TSNAXIP1: variants seen among roughly 807,000 people sequenced by gnomAD.
TSNAXIP1 encodes translin associated factor X interacting protein 1.
TSNAXIP1 carries 89 observed loss-of-function variants against 84.8 expected under a neutral mutation model. The ratio of observed to expected loss-of-function variants is 1.05; its 90% CI spans 0.88 to 1.25. The LOEUF (loss-of-function observed/expected upper bound fraction) is 1.25. TSNAXIP1 is among the 50% of genes most tolerant of loss of function. The pLI, the probability that TSNAXIP1 is intolerant of heterozygous loss-of-function variation, is 0.00. For missense variants in TSNAXIP1, 874 were observed against 887.6 expected (o/e 0.98, Z 0.20); for synonymous variants, 347 against 335.2 (o/e 1.04, Z -0.39).
intron 1 of TSNAXIP1, among the ~76,000 whole-genome samples, chr16:67,808,042 A>G (rs2055632595): frequency 6.6e-6 from 1 of 152,162 alleles, no homozygotes; most frequent in Non-Finnish European, 1.5e-5. Context: ...TCCAGGCCTC[A>G]GCTTATATAT....
intron 15 of TSNAXIP1, 44 bp from the exon 16 acceptor site, chr16:67,827,709 G>C (rs1418673760): frequency 6.2e-7 from 1 of 1,612,284 alleles, no homozygotes; most frequent in East Asian, 2.2e-5. Context: ...CTGGGGCACG[G>C]AGAGGAGGGG....
At position 67,807,059 on chromosome 16, in the gene TSNAXIP1, G is replaced by A; in HGVS notation, c.-91G>A. The A allele has an allele frequency of 1.3e-6, 2 of 1,493,250 alleles. No individual in the cohort carries two copies. Among genetic ancestry groups the A allele is most frequent in the Non-Finnish European group, 1.8e-6 (2 of 1,125,184 alleles). 92.5% of individuals were successfully genotyped at this position (1,493,250 alleles called of 1,614,324 possible). On this transcript the variant is annotated 5_prime_UTR_variant, in exon 1 of 16. Coordinates refer to ENST00000561639, the MANE Select transcript of TSNAXIP1 (RefSeq NM_001288990.3). The stretch of plus-strand genomic sequence containing the variant: ...CCTGACTCCGCCCCCGCCGCGGGGG[G>A]GCCTCTGGGGCCTGGTCGCCATGGC...
chr16:67,812,381 A>T (rs2151198048), intron 1 of TSNAXIP1, among the ~76,000 whole-genome samples: 1 of 152,158 alleles, frequency 6.6e-6, no homozygotes, highest in Non-Finnish European at 1.5e-5. Flanking sequence ...ATTTAAAAAA[A>T]AATAGGCCGG....
At position 67,826,057 on chromosome 16, in the gene TSNAXIP1, T is replaced by C. The variant is rs757470964; in HGVS notation, c.1125T>C (p.Pro375=). 1.1e-5 allele frequency: 17 copies of C among 1,613,484 alleles called. No individual in the cohort carries two copies. In the Admixed American group the frequency reaches 2.7e-4, roughly 25 times the overall value. The change falls in exon 9 of 16, where the codon CCT becomes CCC. Residue 375 remains proline, a synonymous_variant. Coordinates refer to ENST00000561639, the MANE Select transcript of TSNAXIP1 (RefSeq NM_001288990.3). The part of the protein sequence containing the change: ...QEIQRTSTPR[P]DWTKCKDVVA... ...TCCAGCGCACTTCCACGCCGCGGCC[T>C]GACTGGACCAAGTGCAAAGGTGAGG...
intron 1 of TSNAXIP1, among the ~76,000 whole-genome samples, chr16:67,809,173 T>TAA (rs767252864): frequency 1.8e-4 from 1 of 5,588 alleles, no homozygotes; most frequent in African/African-American, 3.1e-4. Context: ...CCCTGTCTAT[T>TAA]AAAAAAAAAA....
chr16:67,816,089 C>T (rs1042588552), intron 2 of TSNAXIP1, among the ~76,000 whole-genome samples: 4 of 151,700 alleles, frequency 2.6e-5, no homozygotes, highest in Non-Finnish European at 2.9e-5. Flanking sequence ...CTGCCTCAGC[C>T]GCCCCAGTAG....
In TSNAXIP1 at chr16:67,827,230, C is replaced by T. The variant is rs1243490091; in HGVS notation, c.1665-19C>T. 2 of 1,613,836 alleles carry T rather than the reference C, an allele frequency of 1.2e-6. No homozygotes were observed. Among genetic ancestry groups the T allele is most frequent in the Non-Finnish European group, 1.7e-6 (2 of 1,179,850 alleles). Reference sequence around the variant, plus strand: ...CAGGCCTCAGCAGGTCCCTGTTGGCCCTCATGTCTCCCCTACAGCACTGTC... The same window carrying T: ...CAGGCCTCAGCAGGTCCCTGTTGGCTCTCATGTCTCCCCTACAGCACTGTC... On this transcript the variant is annotated intron_variant, in intron 13 of 15. Coordinates refer to ENST00000561639, the MANE Select transcript of TSNAXIP1 (RefSeq NM_001288990.3).
rs182917915 is a variant in TSNAXIP1 at position 67,826,688 on chromosome 16, G to A, written c.1402-4G>A. On this transcript the variant is annotated splice_region_variant and splice_polypyrimidine_tract_variant and intron_variant, in intron 11 of 15. Coordinates refer to ENST00000561639, the MANE Select transcript of TSNAXIP1 (RefSeq NM_001288990.3). Reference sequence around the variant, plus strand: ...TCTGACTGAGCATTTCCTCGATCCCGCAGAAAGAGACGTTCCCAGATTTCT... The same window carrying A: ...TCTGACTGAGCATTTCCTCGATCCCACAGAAAGAGACGTTCCCAGATTTCT... The A allele has an allele frequency of 4.5e-5, 72 of 1,613,024 alleles. No homozygotes were observed. Among genetic ancestry groups the A allele is most frequent in the Non-Finnish European group, 5.6e-5 (66 of 1,179,460 alleles).
chr16:67,827,473 G>A lies in TSNAXIP1; in HGVS notation c.1792G>A (p.Asp598Asn). ...LLNYRSLFME[D>N]EEGQSEPFVQ... ...CCCCCTGACTTGTGGCCCCTCCCAG[G>A]ATGAGGAGGGCCAGAGTGAGCCCTT... The change falls in exon 15 of 16, where the codon GAT (aspartate) becomes AAT (asparagine). Residue 598 changes from aspartate to asparagine, a missense_variant and splice_region_variant. Coordinates refer to ENST00000561639, the MANE Select transcript of TSNAXIP1 (RefSeq NM_001288990.3). 1 of 1,614,192 alleles carries A rather than the reference G, an allele frequency of 6.2e-7. No individual in the cohort carries two copies. The highest frequency in any genetic ancestry group is 8.5e-7 in the Non-Finnish European group (1 of 1,180,006).
At chr16:67,810,303 C>A (rs2055934992) in intron 1 of TSNAXIP1, among the ~76,000 whole-genome samples, 1 of 152,138 alleles carries the variant, frequency 6.6e-6, no homozygotes, top group Admixed American at 6.6e-5. Flanking sequence ...CCCTGACAAA[C>A]CCACTGCCTA....
In TSNAXIP1 at chr16:67,812,831, G is replaced by A. The variant is rs572375718; in HGVS notation, c.48-1471G>A. On this transcript the variant is annotated intron_variant, in intron 1 of 15. Transcript: ENST00000561639. ...TCACTATGTTGCTCAGGCTCATCTC[G>A]AACTCCTGGGCTCAAGCGATCTGCC... Among the ~76,000 whole-genome samples the A allele has an allele frequency of 9.9e-5, 15 of 152,102 alleles. No individual in the cohort carries two copies. The South Asian group carries it at 2.3e-3, about 23-fold the overall frequency.
At chr16:67,823,786 G>A in intron 5 of TSNAXIP1, 67 bp downstream of exon 5, 3 of 1,387,912 alleles carry the variant, frequency 2.2e-6, no homozygotes, top group African/African-American at 2.8e-5. Context: ...AGGAGGCCGA[G>A]GCGGTAGATC....
intron 6 of TSNAXIP1, 91 bp from the exon 7 acceptor site, chr16:67,825,046 G>T (rs189933942): frequency 6.6e-6 from 10 of 1,524,508 alleles, no homozygotes; most frequent in Middle Eastern, 4.7e-4. Context: ...CCCTGATGGG[G>T]CCCCCCAGAA....
In TSNAXIP1 at chr16:67,826,553, T is replaced by C; in HGVS notation, c.1392T>C (p.Ala464=). 1 of 1,614,166 alleles carries C rather than the reference T, an allele frequency of 6.2e-7. No homozygotes were observed. Among genetic ancestry groups the C allele is most frequent in the Non-Finnish European group, 8.5e-7 (1 of 1,180,024 alleles). The change falls in exon 11 of 16, where the codon GCT becomes GCC. Residue 464 remains alanine, a synonymous_variant. Coordinates refer to ENST00000561639, the MANE Select transcript of TSNAXIP1 (RefSeq NM_001288990.3). ...LLKDAWKERL[A]EEQKETFPDF... is the part of the protein sequence containing the mutation. ...AGGATGCCTGGAAGGAACGTCTTGC[T>C]GAGGAGCAGGTCAGATCTCACCAGC... is the stretch of plus-strand genomic sequence containing the variant.
Position 67,806,913 on chromosome 16 carries a change from C to T in TSNAXIP1, c.-237C>T. On this transcript the variant is annotated 5_prime_UTR_variant, in exon 1 of 16. Coordinates refer to ENST00000561639, the MANE Select transcript of TSNAXIP1 (RefSeq NM_001288990.3). ...CATCCCCCTGCCTCAGTTCTGGTACCTGGGGTCAAATCGGCTGTAGTGGTT... is the reference window on the plus strand; with the variant it reads ...CATCCCCCTGCCTCAGTTCTGGTACTTGGGGTCAAATCGGCTGTAGTGGTT... 2 of 629,196 alleles carry T rather than the reference C, an allele frequency of 3.2e-6. No individual in the cohort carries two copies. Among genetic ancestry groups the T allele is most frequent in the Non-Finnish European group, 5.5e-6 (2 of 365,078 alleles). 39.0% of individuals were successfully genotyped at this position (629,196 alleles called of 1,614,324 possible). A position where few individuals can be genotyped will look rare whatever the true frequency, so the allele number is the denominator to read the frequency against.
rs776429294 is a variant in TSNAXIP1, at chr16:67,826,084, C to A, written c.1144+8C>A. ...ACTGGACCAAGTGCAAAGGTGAGGGCAGCCGGCAGGGCCCCAGGTCCTGCT... is the reference window on the plus strand; with the variant it reads ...ACTGGACCAAGTGCAAAGGTGAGGGAAGCCGGCAGGGCCCCAGGTCCTGCT... On this transcript the variant is annotated splice_region_variant and intron_variant, in intron 9 of 15. Coordinates refer to ENST00000561639, the MANE Select transcript of TSNAXIP1 (RefSeq NM_001288990.3). The A allele has an allele frequency of 8.1e-6, 13 of 1,613,206 alleles. No individual in the cohort carries two copies. The South Asian group carries it at 1.2e-4, about 15-fold the overall frequency.
rs73593803 is a variant in TSNAXIP1, at chr16:67,828,015, A to G, written c.*22A>G. The G allele has an allele frequency of 0.012, 19,677 of 1,609,050 alleles. 1,361 individuals are homozygous for G. The African/African-American group carries it at 0.18, about 15-fold the overall frequency. ...CTAGGAACTTGTGGGCAGCCTGCGT[A>G]CTCCAGTCCTGCTAACCCCTAGCTT... On this transcript the variant is annotated 3_prime_UTR_variant, in exon 16 of 16. Transcript: ENST00000561639.
Position 67,806,934 on chromosome 16 carries a change from T to C in TSNAXIP1, c.-216T>C. 1 of 674,832 alleles carries C rather than the reference T, an allele frequency of 1.5e-6. No homozygotes were observed. 41.8% of individuals were successfully genotyped at this position (674,832 alleles called of 1,614,324 possible). A position where few individuals can be genotyped will look rare whatever the true frequency, so the allele number is the denominator to read the frequency against. On this transcript the variant is annotated 5_prime_UTR_variant, in exon 1 of 16. Coordinates refer to ENST00000561639, the MANE Select transcript of TSNAXIP1 (RefSeq NM_001288990.3). ...GTACCTGGGGTCAAATCGGCTGTAG[T>C]GGTTGACTCTCAGGGCACCCGCTGC... is the stretch of plus-strand genomic sequence containing the variant.
At chr16:67,815,072 C>T (rs912307268) in intron 2 of TSNAXIP1, among the ~76,000 whole-genome samples, 1 of 151,452 alleles carries the variant, frequency 6.6e-6, no homozygotes, top group African/African-American at 2.4e-5. Flanking sequence ...AATCCCAGTA[C>T]TCTGGGAGGC....
Sources: allele counts gnomAD v4.1 joint callset (sites outside exome capture counted in the v4.1 genomes callset), GRCh38; gene constraint gnomAD v4.1.1; transcripts MANE v1.5; gene names NCBI Gene and HGNC (gene_info 2026-07-23, HGNC 2026-07-21).